Variants in PUM2 observed in about 807,000 individuals in gnomAD.
The protein encoded by PUM2 is pumilio homolog 2.
A neutral mutation model predicts 124.5 loss-of-function variants in PUM2; 57 were observed. The observed-to-expected ratio is 0.46, with a 90% CI of 0.37 to 0.57. The LOEUF (loss-of-function observed/expected upper bound fraction) is 0.57, where lower values mean the gene tolerates loss of function less well. Among genes scored for constraint, PUM2 ranks in the 20% least tolerant of loss-of-function variants. The probability of loss-of-function intolerance (pLI) is 0.00; values close to 1 mark genes in which losing one functional copy is unlikely to be tolerated. For synonymous variants in PUM2, 460 were observed against 446.1 expected (o/e 1.03, Z -0.39); for missense variants, 1,065 against 1,290.6 (o/e 0.83, Z 2.68).
At chr2:20,337,830 C>A (rs575353869) in intron 1 of PUM2, among the ~76,000 whole-genome samples, 1 of 152,222 alleles carries the variant, frequency 6.6e-6, no homozygotes, top group East Asian at 1.9e-4. Flanking sequence ...ATCAGCTAAC[C>A]TTCCCCCAAA....
At chr2:20,313,019 A>G (rs1680008870) in intron 3 of PUM2, among the ~76,000 whole-genome samples, 1 of 152,246 alleles carries the variant, frequency 6.6e-6, no homozygotes, top group Admixed American at 6.5e-5. Flanking sequence ...ATATGTAGAA[A>G]GCTGAAACTG....
intron 1 of PUM2, among the ~76,000 whole-genome samples, chr2:20,337,775 A>G (rs1279800005): frequency 6.6e-6 from 1 of 152,190 alleles, no homozygotes; most frequent in Admixed American, 6.5e-5. Flanking sequence ...AATTTTCCCA[A>G]AAACTGATTT....
intron 1 of PUM2, among the ~76,000 whole-genome samples, chr2:20,347,667 T>G (rs1264954685): frequency 6.6e-6 from 1 of 152,244 alleles, no homozygotes; most frequent in Admixed American, 6.5e-5. Flanking sequence ...CCGAACTGAC[T>G]GAAAGACACA....
Position 20,258,170 on chromosome 2 carries a change from T to TA in PUM2, c.2484+72dup, listed in dbSNP as rs774512900. 4.3e-4 allele frequency: 582 copies of TA among 1,345,750 alleles called. 1 individual carries two copies. The highest frequency in any genetic ancestry group is 2.2e-3 in the Middle Eastern group (10 of 4,454). 83.4% of individuals were successfully genotyped at this position (1,345,750 alleles called of 1,614,324 possible). On this transcript the variant is annotated intron_variant, in intron 16 of 20. Coordinates refer to ENST00000361078, the MANE Select transcript of PUM2 (RefSeq NM_015317.5). ...AAGTCTTTTCACTTCAAGATTACTG[T>TA]AAGATTAAAAACATGTAATAATTTA...
intron 13 of PUM2, among the ~76,000 whole-genome samples, chr2:20,266,673 G>C (rs72785298): frequency 1.3e-5 from 2 of 151,864 alleles, no homozygotes; most frequent in Non-Finnish European, 2.9e-5. Context: ...TTGAAAGCAG[G>C]TCATCTAAAA....
chr2:20,351,866 CA>C (rs1689374442), upstream of PUM2, among the ~76,000 whole-genome samples: 1 of 152,192 alleles, frequency 6.6e-6, no homozygotes, highest in South Asian at 2.1e-4. Context: ...ACTGTGCCCG[CA>C]AGTGCCTGTT....
chr2:20,313,330 T>G (rs1170812599), intron 3 of PUM2, among the ~76,000 whole-genome samples: 1 of 152,176 alleles, frequency 6.6e-6, no homozygotes, highest in Non-Finnish European at 1.5e-5. Flanking sequence ...AGCACACATC[T>G]TGAAAATACA....
chr2:20,258,111 G>T, intron 16 of PUM2, 132 bp downstream of exon 16: 1 of 811,800 alleles, frequency 1.2e-6, no homozygotes, highest in Non-Finnish European at 1.8e-6. Flanking sequence ...TTAGGACACA[G>T]TAACAACATT....
At chr2:20,262,662 T>C (rs947886194) in intron 14 of PUM2, among the ~76,000 whole-genome samples, 7 of 152,258 alleles carry the variant, frequency 4.6e-5, no homozygotes, top group Non-Finnish European at 8.8e-5. Flanking sequence ...ATATCTTAAA[T>C]TTATCAAATG....
rs200294801 is a variant in PUM2, at chr2:20,261,394, C to CAAAAAAAAAAAAAAAAAAAAAA, written c.2226-950_2226-929dup. Among the ~76,000 whole-genome samples, 19 of 76,782 alleles carry CAAAAAAAAAAAAAAAAAAAAAA rather than the reference C, an allele frequency of 2.5e-4. 2 individuals carry two copies. The highest frequency in any genetic ancestry group is 3.8e-4 in the South Asian group (1 of 2,646). The allele number at this position is 76,782 out of a possible 152,430, so 50.4% of individuals were successfully genotyped here. On this transcript the variant is annotated intron_variant, in intron 14 of 20. Transcript: ENST00000361078. ...AAGCGACAGAGTGAGACTCTGTCTCCAAAAAAAAAAAAAAAAAAAAAAAAA... is the reference window on the plus strand; with the variant it reads ...AAGCGACAGAGTGAGACTCTGTCTCCAAAAAAAAAAAAAAAAAAAAAAAAAAAAAAAAAAAAAAAAAAAAAAA...
intron 1 of PUM2, among the ~76,000 whole-genome samples, chr2:20,336,095 T>C (rs1685950332): frequency 6.6e-6 from 1 of 152,240 alleles, no homozygotes; most frequent in Non-Finnish European, 1.5e-5. Flanking sequence ...CTTTAGGTAT[T>C]GTCTGAGAGA....
chr2:20,267,169 C>T (rs1440420599), intron 13 of PUM2, among the ~76,000 whole-genome samples: 1 of 150,966 alleles, frequency 6.6e-6, no homozygotes, highest in East Asian at 1.9e-4. Flanking sequence ...ATTACAGGTG[C>T]GTACCACCAT....
intron 14 of PUM2, among the ~76,000 whole-genome samples, chr2:20,260,779 T>C (rs762715178): frequency 2.0e-5 from 3 of 152,162 alleles, no homozygotes; most frequent in African/African-American, 4.8e-5. Flanking sequence ...ATATACAATG[T>C]ATTACTAAAC....
chr2:20,260,650 CTAAAGA>C (rs1161993329), intron 14 of PUM2, among the ~76,000 whole-genome samples, 184 bp from the exon 15 acceptor site: 1 of 152,104 alleles, frequency 6.6e-6, no homozygotes, highest in African/African-American at 2.4e-5. Context: ...AACACCTTAT[CTAAAGA>C]TAGAGTGACA....
chr2:20,290,621 T>C lies in PUM2; in HGVS notation c.1291+31A>G, dbSNP rs371531544. On this transcript the variant is annotated intron_variant, in intron 10 of 20. Transcript: ENST00000361078. ...ACCTACACTTAACATCTGAAATCTATTCAAATTTCCACAAATGACCAATTG... is the reference window on the plus strand; with the variant it reads ...ACCTACACTTAACATCTGAAATCTACTCAAATTTCCACAAATGACCAATTG... 2.0e-4 allele frequency: 310 copies of C among 1,578,312 alleles called. 1 individual carries two copies. The highest frequency in any genetic ancestry group is 2.1e-4 in the Non-Finnish European group (244 of 1,164,392).
intron 1 of PUM2, chr2:20,350,099 T>C (rs1689009781): frequency 6.6e-6 from 1 of 152,260 alleles, no homozygotes; most frequent in Admixed American, 6.5e-5. Flanking sequence ...TCCAAGTCAC[T>C]GCTTCATACC....
intron 3 of PUM2, among the ~76,000 whole-genome samples, chr2:20,313,638 T>C (rs1265786860): frequency 6.6e-6 from 1 of 151,960 alleles, no homozygotes; most frequent in Non-Finnish European, 1.5e-5. Flanking sequence ...GAGACTAGCA[T>C]GGGAAACATG....
At position 20,290,650 on chromosome 2, in the gene PUM2, A is replaced by AC; in HGVS notation, c.1291+1dup. On this transcript the variant is annotated splice_donor_variant, in intron 10 of 20. Coordinates refer to ENST00000361078, the MANE Select transcript of PUM2 (RefSeq NM_015317.5). LOFTEE classifies it high-confidence loss of function. ...AATTTCCACAAATGACCAATTGTATACCTGGCATGCCAGTAGCAAGACCCT... is the reference window on the plus strand; with the variant it reads ...AATTTCCACAAATGACCAATTGTATACCCTGGCATGCCAGTAGCAAGACCCT... The AC allele has an allele frequency of 6.2e-7, 1 of 1,607,242 alleles. No homozygotes were observed. The highest frequency in any genetic ancestry group is 8.5e-7 in the Non-Finnish European group (1 of 1,177,872).
chr2:20,339,457 G>T (rs16987565), intron 1 of PUM2, among the ~76,000 whole-genome samples: 2 of 152,030 alleles, frequency 1.3e-5, no homozygotes, highest in Non-Finnish European at 2.9e-5. Flanking sequence ...CAATATAAAA[G>T]AATGTACGTG....
Sources: gnomAD v4.1 joint callset for allele counts (sites outside exome capture counted in the v4.1 genomes callset) on GRCh38, gnomAD v4.1.1 for gene constraint, MANE v1.5 for transcripts, NCBI Gene and HGNC (gene_info 2026-07-23, HGNC 2026-07-21) for gene names.